CDH13: variants seen among roughly 807,000 people sequenced by gnomAD.
CDH13 encodes the protein cadherin-13.
CDH13 carries 24 observed loss-of-function variants against 63.8 expected under a neutral mutation model. The ratio of observed to expected loss-of-function variants is 0.38; its 90% CI spans 0.27 to 0.53. CDH13 has a LOEUF of 0.53. Among genes scored for constraint, CDH13 ranks in the 20% least tolerant of loss-of-function variants. The probability of loss-of-function intolerance (pLI) is 0.85; values close to 1 mark genes in which losing one functional copy is unlikely to be tolerated. For synonymous variants in CDH13, 503 were observed against 355.3 expected, an observed-to-expected ratio of 1.42 and a Z score of -4.67; for missense variants, 1,049 against 903.1, an observed-to-expected ratio of 1.16 and a Z score of -2.07.
chr16:83,526,319 A>G (rs2074958037), intron 7 of CDH13, among the ~76,000 whole-genome samples: 1 of 152,202 alleles, frequency 6.6e-6, no homozygotes, highest in Admixed American at 6.5e-5. Context: ...AGCCTCAATC[A>G]ATAGTCCGCA....
chr16:83,232,227 T>TTAAA (rs3049884), intron 5 of CDH13, among the ~76,000 whole-genome samples: 4 of 67,636 alleles, frequency 5.9e-5, no homozygotes, highest in Non-Finnish European at 1.1e-4. Context: ...TTTTTTTTTT[T>TTAAA]AAAAAAAAAA....
intron 2 of CDH13, among the ~76,000 whole-genome samples, chr16:82,943,659 CTTA>C (rs1473431982): frequency 6.6e-6 from 1 of 152,152 alleles, no homozygotes; most frequent in African/African-American, 2.4e-5. Flanking sequence ...TTACTGAGCA[CTTA>C]TTATGTCCAA....
intron 4 of CDH13, among the ~76,000 whole-genome samples, chr16:83,212,383 G>C (rs1324530324): frequency 6.6e-6 from 1 of 152,140 alleles, no homozygotes; most frequent in African/African-American, 2.4e-5. Flanking sequence ...TCTAAACTAA[G>C]CCAAGACACT....
chr16:83,114,837 T>G (rs2151627109), intron 3 of CDH13, among the ~76,000 whole-genome samples: 2 of 152,314 alleles, frequency 1.3e-5, no homozygotes, highest in South Asian at 4.1e-4. Context: ...ACCATGTGTT[T>G]GATTGCATAC....
chr16:83,365,818 A>T (rs1251572269), intron 6 of CDH13, among the ~76,000 whole-genome samples: 1 of 152,208 alleles, frequency 6.6e-6, no homozygotes, highest in Non-Finnish European at 1.5e-5. Context: ...GCTGGCTTGC[A>T]GATGGAATTG....
intron 7 of CDH13, among the ~76,000 whole-genome samples, chr16:83,601,919 C>A (rs773206948): frequency 1.3e-5 from 2 of 151,570 alleles, no homozygotes; most frequent in African/African-American, 4.8e-5. Context: ...ATGGTGATAC[C>A]CTGTCCCTAC....
At position 82,795,254 on chromosome 16, in the gene CDH13, GT is replaced by G. The variant is rs575543050; in HGVS notation, c.46-63106del. On this transcript the variant is annotated intron_variant, in intron 1 of 13. Transcript: ENST00000567109. ...AATAATTTTCCAATGGACATGGACAGTTGTCCCAGGGGACTGGAAATCAAGG... is the reference window on the plus strand; with the variant it reads ...AATAATTTTCCAATGGACATGGACAGTGTCCCAGGGGACTGGAAATCAAGG... 3.9e-5 allele frequency among the ~76,000 whole-genome samples: 6 copies of G among 152,342 alleles called. No individual in the cohort carries two copies. The South Asian group carries it at 1.2e-3, about 32-fold the overall frequency.
intron 2 of CDH13, among the ~76,000 whole-genome samples, chr16:83,011,654 G>C (rs963326564): frequency 4.6e-5 from 7 of 152,152 alleles, no homozygotes; most frequent in African/African-American, 1.2e-4. Context: ...CTGAGGGTTC[G>C]GGGACCAGGG....
chr16:83,720,209 G>A (rs1374592612), intron 10 of CDH13, among the ~76,000 whole-genome samples: 1 of 152,002 alleles, frequency 6.6e-6, no homozygotes, highest in Non-Finnish European at 1.5e-5. Flanking sequence ...TCACACACTT[G>A]TGCATGTACA....
intron 1 of CDH13, among the ~76,000 whole-genome samples, chr16:82,803,166 G>A (rs975307879): frequency 1.3e-5 from 2 of 152,146 alleles, no homozygotes; most frequent in Admixed American, 6.5e-5. Context: ...CCCTGGATAG[G>A]TCTAGGCTAC....
At chr16:82,677,446 CTT>C (rs3041877) in intron 1 of CDH13, among the ~76,000 whole-genome samples, 104 of 130,700 alleles carry the variant, frequency 8.0e-4, no homozygotes, top group East Asian at 5.9e-3. Flanking sequence ...ACTCTTCTGC[CTT>C]TTTTTTTTTT....
chr16:82,874,666 C>T (rs1184374363), intron 2 of CDH13, among the ~76,000 whole-genome samples: 2 of 152,106 alleles, frequency 1.3e-5, no homozygotes, highest in African/African-American at 4.8e-5. Flanking sequence ...AACATTGATT[C>T]TGAATAACAT....
At chr16:83,100,208 C>A (rs2034407439) in intron 3 of CDH13, among the ~76,000 whole-genome samples, 1 of 152,044 alleles carries the variant, frequency 6.6e-6, no homozygotes, top group South Asian at 2.1e-4. Flanking sequence ...ATCCCTGCCT[C>A]ATGGATCTTA....
chr16:83,197,818 TCACACACA>T (rs58704316), intron 4 of CDH13, among the ~76,000 whole-genome samples: 3 of 149,012 alleles, frequency 2.0e-5, no homozygotes, highest in African/African-American at 7.4e-5. Flanking sequence ...TCTGACACAT[TCACACACA>T]CACACACACA....
intron 1 of CDH13, among the ~76,000 whole-genome samples, chr16:82,763,660 C>G (rs1334226212): frequency 6.6e-6 from 1 of 151,944 alleles, no homozygotes; most frequent in Admixed American, 6.5e-5. Flanking sequence ...TATAATGAGC[C>G]TCTGGATTTT....
At chr16:82,939,115 A>G (rs2042754492) in intron 2 of CDH13, among the ~76,000 whole-genome samples, 1 of 152,116 alleles carries the variant, frequency 6.6e-6, no homozygotes, top group South Asian at 2.1e-4. Flanking sequence ...TGGTGTGGAA[A>G]ATGGCATTAG....
At chr16:82,716,900 G>A (rs79233537) in intron 1 of CDH13, among the ~76,000 whole-genome samples, 6,729 of 151,908 alleles carry the variant, frequency 0.044, 231 homozygotes, top group Non-Finnish European at 0.07. Context: ...GCACCTCTAG[G>A]GCTCATTCCT....
chr16:83,589,820 T>C (rs986380520), intron 7 of CDH13, among the ~76,000 whole-genome samples: 1 of 151,550 alleles, frequency 6.6e-6, no homozygotes, highest in Non-Finnish European at 1.5e-5. Context: ...AAGGCAGGAG[T>C]GACTCTGGGA....
In CDH13 at chr16:83,780,194, G is replaced by GTCTGTCTGAATCCCCTCAT. The variant is rs1567591130; in HGVS notation, c.1908_1909insTCTGTCTGAATCCCCTCAT (p.Ile637SerfsTer3). 1 of 1,588,980 alleles carries GTCTGTCTGAATCCCCTCAT rather than the reference G, an allele frequency of 6.3e-7. No homozygotes were observed. The highest frequency in any genetic ancestry group is 8.6e-7 in the Non-Finnish European group (1 of 1,164,140). ...CTGATAAAGTCTGGAAGATCTCCAA[G>GTCTGTCTGAATCCCCTCAT]ATCAACAGTAAGTCTGGCTAAAGCA... is the stretch of plus-strand genomic sequence containing the variant. On this transcript the variant is annotated stop_gained and frameshift_variant, in exon 12 of 14. Coordinates refer to ENST00000567109, the MANE Select transcript of CDH13 (RefSeq NM_001257.5). LOFTEE classifies it high-confidence loss of function.
Sources: allele counts gnomAD v4.1 joint callset (sites outside exome capture counted in the v4.1 genomes callset), GRCh38; gene constraint gnomAD v4.1.1; transcripts MANE v1.5; gene names NCBI Gene and HGNC (gene_info 2026-07-23, HGNC 2026-07-21).